The following FKBP9 variants were observed in gnomAD, a reference collection of about 807,000 sequenced individuals.
FKBP9 encodes peptidyl-prolyl cis-trans isomerase FKBP9.
A neutral mutation model predicts 55.6 loss-of-function variants in FKBP9; 27 were observed. The ratio of observed to expected loss-of-function variants is 0.49; its 90% CI spans 0.36 to 0.67. The LOEUF is 0.67. FKBP9 is among the 30% of genes least tolerant of loss of function. FKBP9 has a pLI of 0.00. For missense variants in FKBP9, 539 were observed against 742.8 expected (o/e 0.73, Z 3.19); for synonymous variants, 267 against 296.5 (o/e 0.90, Z 1.02).
chr7:32,972,034 C>T (rs1014556140), intron 1 of FKBP9, among the ~76,000 whole-genome samples: 61 of 152,090 alleles, frequency 4.0e-4, no homozygotes, highest in Non-Finnish European at 7.6e-4. Flanking sequence ...AGTTTCTTGC[C>T]GGTGCATTGT....
chr7:32,966,178 G>C (rs1238707003), intron 1 of FKBP9, among the ~76,000 whole-genome samples: 1 of 77,176 alleles, frequency 1.3e-5, no homozygotes, highest in African/African-American at 4.8e-5. Flanking sequence ...TGGTGACAGT[G>C]AGACGCCATC....
rs371775324 is a variant in FKBP9 at position 32,996,046 on chromosome 7, C to G, written c.1040-117C>G. 13 of 773,146 alleles carry G rather than the reference C, an allele frequency of 1.7e-5. No individual in the cohort carries two copies. The South Asian group carries it at 2.0e-4, about 12-fold the overall frequency. 47.9% of individuals were successfully genotyped at this position (773,146 alleles called of 1,614,324 possible). A position where few individuals can be genotyped will look rare whatever the true frequency, so the allele number is the denominator to read the frequency against. On this transcript the variant is annotated intron_variant, in intron 6 of 9. Coordinates refer to ENST00000242209, the MANE Select transcript of FKBP9 (RefSeq NM_007270.5). ...TTGGAGTCCTCCTAGGGTTCTGTATCTGGGTGCCCGTTTTCCTCACTTGGA... is the reference window on the plus strand; with the variant it reads ...TTGGAGTCCTCCTAGGGTTCTGTATGTGGGTGCCCGTTTTCCTCACTTGGA...
At chr7:32,979,733 T>C in intron 4 of FKBP9, 1 of 703,536 alleles carries the variant, frequency 1.4e-6, no homozygotes, top group Non-Finnish European at 2.5e-6. Context: ...ATATTCAAAA[T>C]ATTCCCACTG....
In FKBP9 at chr7:33,005,350, A is replaced by C; in HGVS notation, c.1712A>C (p.Ter571SerextTer35). The C allele has an allele frequency of 6.2e-7, 1 of 1,614,196 alleles. No individual in the cohort carries two copies. Among genetic ancestry groups the C allele is most frequent in the Non-Finnish European group, 8.5e-7 (1 of 1,180,022 alleles). ...KDQEAKHDEL* is the reference protein window; with the variant it reads ...KDQEAKHDELS ...CAGGAAGCCAAACACGATGAACTCT[A>C]AACCTGGCATGAACCAGATGGTGCC... The change falls in exon 10 of 10, where the codon TAA becomes TCA. Residue 571 changes from the stop codon to serine (S), a stop_lost. Coordinates refer to ENST00000242209, the MANE Select transcript of FKBP9 (RefSeq NM_007270.5).
chr7:33,001,326 C>T (rs1307474792), intron 8 of FKBP9, among the ~76,000 whole-genome samples: 4 of 152,054 alleles, frequency 2.6e-5, no homozygotes, highest in African/African-American at 4.8e-5. Flanking sequence ...GGGCAGATCA[C>T]GAGGTCAGGA....
At chr7:32,968,967 G>A (rs1409630923) in intron 1 of FKBP9, among the ~76,000 whole-genome samples, 1 of 152,036 alleles carries the variant, frequency 6.6e-6, no homozygotes, top group East Asian at 1.9e-4. Flanking sequence ...CTGCATTGTG[G>A]TTTTTGATTT....
At chr7:32,964,842 T>C (rs1253668586) in intron 1 of FKBP9, among the ~76,000 whole-genome samples, 1 of 152,124 alleles carries the variant, frequency 6.6e-6, no homozygotes, top group Non-Finnish European at 1.5e-5. Flanking sequence ...CTCCCTGCTT[T>C]CAAGTCTGCA....
chr7:32,965,833 ATATATATATATG>A lies in FKBP9; in HGVS notation c.221+8041_221+8052del, dbSNP rs1160774558. Among the ~76,000 whole-genome samples the A allele has an allele frequency of 7.2e-3, 203 of 28,058 alleles. 9 individuals are homozygous for A. Among genetic ancestry groups the A allele is most frequent in the East Asian group, 0.019 (42 of 2,234 alleles). 18.4% of individuals were successfully genotyped at this position (28,058 alleles called of 152,430 possible). On this transcript the variant is annotated intron_variant, in intron 1 of 9. Coordinates refer to ENST00000242209, the MANE Select transcript of FKBP9 (RefSeq NM_007270.5). Reference sequence around the variant, plus strand: ...AAAAAATATATATATATATATATATATATATATATATGTGTGTACAGATATATATATATACAT... The same window carrying A: ...AAAAAATATATATATATATATATATATGTGTACAGATATATATATATACAT...
chr7:32,987,633 G>A (rs192461515), intron 5 of FKBP9, among the ~76,000 whole-genome samples: 8 of 152,196 alleles, frequency 5.3e-5, no homozygotes, highest in Non-Finnish European at 8.8e-5. Flanking sequence ...GGCTACGTTC[G>A]ATTCTGTCTT....
chr7:32,979,537 G>A, intron 4 of FKBP9: 1 of 1,550,602 alleles, frequency 6.4e-7, no homozygotes, highest in South Asian at 1.2e-5. Context: ...GCGGCATCTG[G>A]TTTGCTTGTC....
At chr7:33,001,707 C>T (rs1011036867) in intron 8 of FKBP9, among the ~76,000 whole-genome samples, 25 of 152,072 alleles carry the variant, frequency 1.6e-4, no homozygotes, top group Non-Finnish European at 3.1e-4. Context: ...TGGACCTATA[C>T]TGTATACACT....
At chr7:32,972,554 T>C (rs960877703) in intron 1 of FKBP9, among the ~76,000 whole-genome samples, 2 of 152,214 alleles carry the variant, frequency 1.3e-5, no homozygotes, top group African/African-American at 4.8e-5. Context: ...AATTACATTA[T>C]CATTTTGAAA....
chr7:32,970,265 C>T (rs1250324568), intron 1 of FKBP9, among the ~76,000 whole-genome samples: 1 of 151,890 alleles, frequency 6.6e-6, no homozygotes, highest in Non-Finnish European at 1.5e-5. Flanking sequence ...GGTGCAATTT[C>T]GGCTCACCAC....
At position 32,965,922 on chromosome 7, in the gene FKBP9, G is replaced by A. The variant is rs535666140; in HGVS notation, c.221+8128G>A. On this transcript the variant is annotated intron_variant, in intron 1 of 9. Coordinates refer to ENST00000242209, the MANE Select transcript of FKBP9 (RefSeq NM_007270.5). The stretch of plus-strand genomic sequence containing the variant: ...AGAGAGCCATGGGGGGCTGGGCGCG[G>A]TGGCTCATGCTTCTAATCCGAGCAC... Among the ~76,000 whole-genome samples the A allele has an allele frequency of 4.1e-5, 6 of 145,094 alleles. No homozygotes were observed. The South Asian group carries it at 1.3e-3, about 32-fold the overall frequency.
At chr7:32,978,185 G>C (rs1784402992) in intron 4 of FKBP9, among the ~76,000 whole-genome samples, 1 of 151,724 alleles carries the variant, frequency 6.6e-6, no homozygotes, top group African/African-American at 2.4e-5. Flanking sequence ...GCCTCCCAAA[G>C]TGCTGGGATT....
At position 32,980,452 on chromosome 7, in the gene FKBP9, C is replaced by T. The variant is rs769730483; in HGVS notation, c.792C>T (p.Asn264=). ...CCAAGGACAGCATTTCCATTGAGAA[C>T]AAGGTAGTACCTGAAAACTGTGAGC... ...HNPKDSISIE[N]KVVPENCERI... is the part of the protein sequence containing the mutation. Residue 264 remains asparagine (N), a synonymous_variant, in exon 5 of 10, where the codon AAC becomes AAT. Coordinates refer to ENST00000242209, the MANE Select transcript of FKBP9 (RefSeq NM_007270.5). 2.5e-6 allele frequency: 4 copies of T among 1,613,832 alleles called. No homozygotes were observed. Among genetic ancestry groups the T allele is most frequent in the Admixed American group, 3.3e-5 (2 of 59,990 alleles).
At chr7:32,993,252 T>C (rs1301687270) in intron 6 of FKBP9, among the ~76,000 whole-genome samples, 5 of 152,232 alleles carry the variant, frequency 3.3e-5, no homozygotes, top group Non-Finnish European at 7.3e-5. Flanking sequence ...CCATTTTAAG[T>C]GTACAGTTTA....
chr7:32,965,820 T>TATATATATATATATATATGTGTAC (rs1784127295), intron 1 of FKBP9, among the ~76,000 whole-genome samples: 2 of 15,608 alleles, frequency 1.3e-4, no homozygotes, highest in African/African-American at 6.1e-4. Context: ...AAAATATATA[T>TATATATATATATATATATGTGTAC]ATATATATAT....
chr7:32,988,277 G>A (rs192025886), intron 5 of FKBP9, among the ~76,000 whole-genome samples: 1 of 152,342 alleles, frequency 6.6e-6, no homozygotes, highest in Admixed American at 6.5e-5. Flanking sequence ...GATGAAACTG[G>A]AGGGCCACAT....
Sources: gnomAD v4.1 joint callset for allele counts (sites outside exome capture counted in the v4.1 genomes callset) on GRCh38, gnomAD v4.1.1 for gene constraint, MANE v1.5 for transcripts, NCBI Gene and HGNC (gene_info 2026-07-23, HGNC 2026-07-21) for gene names.